Variants in SVIL observed in about 807,000 individuals in gnomAD.
The protein encoded by SVIL is supervillin.
Under a neutral mutation model 240.4 loss-of-function variants are expected in SVIL, and 101 were observed. The ratio of observed to expected loss-of-function variants is 0.42; its 90% CI spans 0.36 to 0.50. The LOEUF is 0.50. SVIL is among the 20% of genes least tolerant of loss of function. The probability of loss-of-function intolerance (pLI) is 0.01; values close to 1 mark genes in which losing one functional copy is unlikely to be tolerated. For synonymous variants in SVIL, 999 were observed against 1,100.0 expected (o/e 0.91, Z 1.82); for missense variants, 2,512 against 2,818.7 (o/e 0.89, Z 2.46).
At position 29,678,505 on chromosome 10, in the gene SVIL, G is replaced by A. The variant is rs144337398; in HGVS notation, c.-301+8048C>T. 4.4e-3 allele frequency among the ~76,000 whole-genome samples: 668 copies of A among 152,242 alleles called. 6 individuals are homozygous for A. The highest frequency in any genetic ancestry group is 0.015 in the African/African-American group (636 of 41,544). ...ATGAAGTTTCACTCGTTCACCTGCCGCTCACCTCCTGCTGTGCAGGTTCCA... is the reference window on the plus strand; with the variant it reads ...ATGAAGTTTCACTCGTTCACCTGCCACTCACCTCCTGCTGTGCAGGTTCCA... On this transcript the variant is annotated intron_variant, in intron 2 of 35. Transcript: ENST00000375400.
upstream of SVIL, among the ~76,000 whole-genome samples, chr10:29,736,404 C>T (rs1964903548): frequency 1.3e-5 from 2 of 152,348 alleles, no homozygotes; most frequent in Admixed American, 6.5e-5. Context: ...CTTGGGCTAG[C>T]CCCCGCTGCA....
rs756594060 is a variant in SVIL, at chr10:29,470,299, G to T, written c.5820C>A (p.Thr1940=). ...AQAHTKEVGR[T]AANKIKEQCP... is the part of the protein sequence containing the mutation. Reference sequence around the variant, plus strand: ...ACTGTTCCTTGATCTTGTTCGCAGCGGTCCTTCCGACCTCCTTCGTGTGGG... The same window carrying T: ...ACTGTTCCTTGATCTTGTTCGCAGCTGTCCTTCCGACCTCCTTCGTGTGGG... Residue 1940 remains threonine (T), a synonymous_variant, in exon 32 of 38, where the codon ACC becomes ACA. Transcript: ENST00000355867. 1.2e-6 allele frequency: 2 copies of T among 1,614,192 alleles called. No homozygotes were observed. Among genetic ancestry groups the T allele is most frequent in the South Asian group, 1.1e-5 (1 of 91,082 alleles).
intron 3 of SVIL, among the ~76,000 whole-genome samples, chr10:29,555,930 A>C (rs1953889611): frequency 6.6e-6 from 1 of 152,190 alleles, no homozygotes; most frequent in Admixed American, 6.5e-5. Context: ...AATTAGCTAC[A>C]GTTTAGATGA....
chr10:29,533,350 G>A lies in SVIL; in HGVS notation c.1017C>T (p.Tyr339=), dbSNP rs539012878. ...CTGAGTGCTCAGACTGAAATGACAC[G>A]TAATGGACTGGCGCTGGCTGGTGTC... is the stretch of plus-strand genomic sequence containing the variant. ...QRRHQPAPVH[Y]VSFQSEHSAF... The change falls in exon 8 of 38, where the codon TAC becomes TAT. Residue 339 remains tyrosine (Y), a synonymous_variant. Coordinates refer to ENST00000355867, the MANE Select transcript of SVIL (RefSeq NM_021738.3). The A allele has an allele frequency of 1.3e-5, 21 of 1,614,176 alleles. No individual in the cohort carries two copies. The highest frequency in any genetic ancestry group is 4.5e-5 in the East Asian group (2 of 44,872).
intron 16 of SVIL, among the ~76,000 whole-genome samples, chr10:29,521,745 C>T (rs1950573665): frequency 6.6e-6 from 1 of 152,176 alleles, no homozygotes; most frequent in South Asian, 2.1e-4. Flanking sequence ...TAATTTACTT[C>T]CAGTTCTCTG....
chr10:29,728,235 G>C (rs1204191572), intron 1 of SVIL, among the ~76,000 whole-genome samples: 1 of 152,152 alleles, frequency 6.6e-6, no homozygotes, highest in Non-Finnish European at 1.5e-5. Flanking sequence ...GAATTCTGCT[G>C]TGTGTATGTA....
chr10:29,518,406 A>G (rs571148435), intron 16 of SVIL, among the ~76,000 whole-genome samples: 42 of 152,174 alleles, frequency 2.8e-4, no homozygotes, highest in African/African-American at 9.4e-4. Context: ...AAACAAATAA[A>G]TAAATAAATA....
chr10:29,493,029 C>A (rs1449897568), intron 21 of SVIL, among the ~76,000 whole-genome samples, 185 bp downstream of exon 21: 1 of 152,138 alleles, frequency 6.6e-6, no homozygotes, highest in African/African-American at 2.4e-5. Context: ...CATGTTTTAT[C>A]TGCTGCGAGG....
At chr10:29,554,092 G>A (rs1390914301) in intron 5 of SVIL, among the ~76,000 whole-genome samples, 2 of 152,182 alleles carry the variant, frequency 1.3e-5, no homozygotes, top group Admixed American at 6.5e-5. Flanking sequence ...GCTGTGACAT[G>A]GAAGGCCAGA....
At chr10:29,501,681 T>C (rs1948910154) in intron 17 of SVIL, among the ~76,000 whole-genome samples, 4 of 152,312 alleles carry the variant, frequency 2.6e-5, no homozygotes, top group Admixed American at 2.0e-4. Flanking sequence ...GAATCACGTA[T>C]CCTTTTTAAA....
chr10:29,631,650 C>T (rs1276893435), intron 1 of SVIL, among the ~76,000 whole-genome samples: 1 of 152,196 alleles, frequency 6.6e-6, no homozygotes, highest in African/African-American at 2.4e-5. Context: ...TGGCGGACAC[C>T]TGTAATCCCA....
rs1274164018 is a variant in SVIL at position 29,494,960 on chromosome 10, C to T, written c.3795G>A (p.Leu1265=). Residue 1265 remains leucine (L), a synonymous_variant, in exon 20 of 38, where the codon CTG becomes CTA. Coordinates refer to ENST00000355867, the MANE Select transcript of SVIL (RefSeq NM_021738.3). ...ARPDMQLESD[L]KLDRLETFLR... ...GAAAGGTTTCCAGCCTGTCCAACTTCAGGTCCGATTCTAACTGCATATCTG... is the reference window on the plus strand; with the variant it reads ...GAAAGGTTTCCAGCCTGTCCAACTTTAGGTCCGATTCTAACTGCATATCTG... 13 of 1,614,016 alleles carry T rather than the reference C, an allele frequency of 8.1e-6. No homozygotes were observed. Among genetic ancestry groups the T allele is most frequent in the Middle Eastern group, 3.3e-4 (2 of 6,062 alleles).
In SVIL at chr10:29,522,390, C is replaced by T; in HGVS notation, c.3389+20G>A. ...GCTCCTCCCCGAGAGAATTACTTTTCGCTCACCGAATCTCATTACCTTTCT... is the reference window on the plus strand; with the variant it reads ...GCTCCTCCCCGAGAGAATTACTTTTTGCTCACCGAATCTCATTACCTTTCT... On this transcript the variant is annotated intron_variant, in intron 16 of 37. Transcript: ENST00000355867. 1 of 1,612,316 alleles carries T rather than the reference C, an allele frequency of 6.2e-7. No individual in the cohort carries two copies. Among genetic ancestry groups the T allele is most frequent in the Non-Finnish European group, 8.5e-7 (1 of 1,178,724 alleles).
Position 29,685,350 on chromosome 10 carries a change from G to A in SVIL, c.-301+1203C>T, listed in dbSNP as rs1454777651. On this transcript the variant is annotated intron_variant, in intron 2 of 35. Transcript: ENST00000375400. ...TGATGGGCATTTAGGTTGATTCCAT[G>A]TCTTGCTATTGAGAATGGTGTTGTG... 4.6e-5 allele frequency among the ~76,000 whole-genome samples: 7 copies of A among 152,272 alleles called. No individual in the cohort carries two copies. In the East Asian group the frequency reaches 1.3e-3, roughly 29 times the overall value.
chr10:29,617,586 A>G (rs1263435884), intron 1 of SVIL, among the ~76,000 whole-genome samples: 1 of 152,002 alleles, frequency 6.6e-6, no homozygotes, highest in Non-Finnish European at 1.5e-5. Context: ...TCTAAAAAAA[A>G]AAAAAGAAAG....
At chr10:29,646,525 C>T (rs1180522460) in intron 3 of SVIL, among the ~76,000 whole-genome samples, 1 of 152,170 alleles carries the variant, frequency 6.6e-6, no homozygotes, top group African/African-American at 2.4e-5. Flanking sequence ...CAGGCCCTGC[C>T]TAATGTTTTC....
At chr10:29,590,165 CAAAAAAAA>C (rs58469441) in intron 1 of SVIL, among the ~76,000 whole-genome samples, 7 of 79,668 alleles carry the variant, frequency 8.8e-5, no homozygotes, top group South Asian at 5.5e-4. Flanking sequence ...GACTCCGTCT[CAAAAAAAA>C]AAAAAAAAAA....
At chr10:29,709,990 C>T (rs1328068860) in intron 1 of SVIL, among the ~76,000 whole-genome samples, 2 of 152,086 alleles carry the variant, frequency 1.3e-5, no homozygotes, top group Non-Finnish European at 2.9e-5. Context: ...GAGGCAGCCA[C>T]TTCTGAACTC....
intron 12 of SVIL, among the ~76,000 whole-genome samples, chr10:29,528,287 A>G (rs578093091): frequency 8.3e-4 from 126 of 152,316 alleles, no homozygotes; most frequent in Non-Finnish European, 1.6e-3. Context: ...CTCGGGGAGG[A>G]ACTGTAGGCA....
Sources: allele counts gnomAD v4.1 joint callset (sites outside exome capture counted in the v4.1 genomes callset), GRCh38; gene constraint gnomAD v4.1.1; transcripts MANE v1.5; gene names NCBI Gene and HGNC (gene_info 2026-07-23, HGNC 2026-07-21).